Variants in HMGN3 observed in about 807,000 individuals in gnomAD.
The protein encoded by HMGN3 is high mobility group nucleosomal binding domain 3, also known as high mobility group nucleosome-binding domain-containing protein 3.
In HMGN3, 6 loss-of-function variants were observed where a neutral mutation model predicts 18.8. The observed-to-expected ratio is 0.32, with a 90% CI of 0.18 to 0.63. The LOEUF is 0.63. Ranked by LOEUF, HMGN3 falls within the 30% of genes least tolerant of loss-of-function variation. The probability of loss-of-function intolerance (pLI) is 0.79; values close to 1 mark genes in which losing one functional copy is unlikely to be tolerated. For missense variants in HMGN3, 107 were observed against 114.2 expected, an observed-to-expected ratio of 0.94 and a Z score of 0.29; for synonymous variants, 40 against 36.5, an observed-to-expected ratio of 1.10 and a Z score of -0.35.
exon 5 of HMGN3, chr6:79,202,341 C>G: frequency 6.2e-7 from 1 of 1,614,142 alleles, no homozygotes; most frequent in Non-Finnish European, 8.5e-7. Context: ...TCCTGCTTTT[C>G]CTCCTTCTTC....
Position 79,221,876 on chromosome 6 carries a change from CTTCATTGGTACATGTAGTACCAA to C in HMGN3, c.16-6877_16-6855del, listed in dbSNP as rs138425704. ...TTCTTATGTTAAACTTCCAAAAAAC[CTTCATTGGTACATGTAGTACCAA>C]TTCATTGGTACATGTATTGGTACAT... On this transcript the variant is annotated intron_variant, in intron 1 of 5. Transcript: ENST00000344726. 1.2e-3 allele frequency among the ~76,000 whole-genome samples: 185 copies of C among 148,906 alleles called. 2 individuals carry two copies. Among genetic ancestry groups the C allele is most frequent in the South Asian group, 0.012 (56 of 4,544 alleles).
At chr6:79,223,059 C>T (rs1365927397) in intron 1 of HMGN3, among the ~76,000 whole-genome samples, 4 of 152,042 alleles carry the variant, frequency 2.6e-5, no homozygotes, top group Non-Finnish European at 5.9e-5. Context: ...ACACACAATT[C>T]AATAATTAGG....
intron 1 of HMGN3, among the ~76,000 whole-genome samples, chr6:79,216,688 C>T (rs1446398166): frequency 6.6e-6 from 1 of 152,134 alleles, no homozygotes; most frequent in Admixed American, 6.5e-5. Flanking sequence ...AGGAATATTT[C>T]GTTTATAGAT....
intron 3 of HMGN3, among the ~76,000 whole-genome samples, chr6:79,206,619 C>A (rs1267433406): frequency 6.6e-6 from 1 of 152,248 alleles, no homozygotes; most frequent in African/African-American, 2.4e-5. Flanking sequence ...TCATGGATAA[C>A]CTCTGCTAGG....
chr6:79,231,960 G>A (rs1240801887), intron 1 of HMGN3, among the ~76,000 whole-genome samples: 1 of 152,148 alleles, frequency 6.6e-6, no homozygotes, highest in Non-Finnish European at 1.5e-5. Context: ...GATTCCAGAT[G>A]TTTTCATTGA....
chr6:79,222,388 GC>G (rs1376429245), intron 1 of HMGN3, among the ~76,000 whole-genome samples: 1 of 152,224 alleles, frequency 6.6e-6, no homozygotes, highest in East Asian at 1.9e-4. Context: ...TCTGAAATGT[GC>G]CTATACCTAA....
intron 1 of HMGN3, among the ~76,000 whole-genome samples, chr6:79,229,132 A>G (rs1777708648): frequency 6.6e-6 from 1 of 152,254 alleles, no homozygotes; most frequent in African/African-American, 2.4e-5. Context: ...TAAAAGTATA[A>G]AACCTCTATG....
chr6:79,217,475 G>T (rs998021124), intron 1 of HMGN3, among the ~76,000 whole-genome samples: 3 of 152,152 alleles, frequency 2.0e-5, no homozygotes, highest in African/African-American at 7.2e-5. Context: ...TGAGATACTG[G>T]AGAAAGCATT....
chr6:79,208,756 T>G (rs1158877248), intron 2 of HMGN3, among the ~76,000 whole-genome samples, 180 bp from the exon 3 acceptor site: 3 of 152,110 alleles, frequency 2.0e-5, no homozygotes, highest in African/African-American at 7.2e-5. Context: ...ACGATGACAC[T>G]CAAGAGGAAG....
intron 2 of HMGN3, among the ~76,000 whole-genome samples, chr6:79,210,124 C>G (rs1409063796): frequency 1.3e-5 from 2 of 152,112 alleles, no homozygotes; most frequent in Non-Finnish European, 2.9e-5. Context: ...CCCATAAGTC[C>G]CTGGGAACCA....
intron 1 of HMGN3, among the ~76,000 whole-genome samples, chr6:79,219,596 C>T (rs1258189349): frequency 2.6e-5 from 4 of 152,090 alleles, no homozygotes; most frequent in Non-Finnish European, 4.4e-5. Flanking sequence ...AACAGAAATT[C>T]TACAGCAGTT....
intron 1 of HMGN3, 159 bp downstream of exon 1, chr6:79,234,387 G>T: frequency 1.5e-6 from 1 of 674,092 alleles, no homozygotes; most frequent in Non-Finnish European, 2.7e-6. Context: ...GACAGAGAGA[G>T]GAACGTCTGC....
At position 79,203,728 on chromosome 6, in the gene HMGN3, T is replaced by G. The variant is rs548336169; in HGVS notation, c.97-98A>C. ...GGACTAACAAAGACAACTATCCATT[T>G]TGACATGGCTTTGGTCATTAAAAAG... is the stretch of plus-strand genomic sequence containing the variant. On this transcript the variant is annotated intron_variant, in intron 3 of 5. Transcript: ENST00000344726. The G allele has an allele frequency of 2.7e-4, 240 of 901,360 alleles. 2 individuals carry two copies. The Middle Eastern group carries it at 3.8e-3, about 14-fold the overall frequency. 55.8% of individuals were successfully genotyped at this position (901,360 alleles called of 1,614,324 possible).
chr6:79,233,322 TG>T (rs1027742762), intron 1 of HMGN3, among the ~76,000 whole-genome samples: 79 of 152,318 alleles, frequency 5.2e-4, no homozygotes, highest in African/African-American at 1.8e-3. Context: ...TTTTAAAAAG[TG>T]GGGTAGGAGA....
At chr6:79,207,826 C>A (rs1441215270) in intron 3 of HMGN3, among the ~76,000 whole-genome samples, 1 of 152,050 alleles carries the variant, frequency 6.6e-6, no homozygotes, top group Non-Finnish European at 1.5e-5. Context: ...TAGTGTCAGC[C>A]AAAATGCCAA....
At chr6:79,203,471 G>A (rs1776252579) in intron 4 of HMGN3, 109 bp downstream of exon 4, 3 of 951,722 alleles carry the variant, frequency 3.2e-6, no homozygotes, top group South Asian at 1.4e-5. Context: ...AGTGGTAATG[G>A]TTTCAGTTTG....
At chr6:79,204,510 G>A (rs1776302742) in intron 3 of HMGN3, among the ~76,000 whole-genome samples, 1 of 152,140 alleles carries the variant, frequency 6.6e-6, no homozygotes, top group African/African-American at 2.4e-5. Context: ...TTTTACACCA[G>A]GAGTTTTCTG....
chr6:79,203,195 C>G (rs899481152), intron 4 of HMGN3, among the ~76,000 whole-genome samples: 1 of 152,128 alleles, frequency 6.6e-6, no homozygotes, highest in Non-Finnish European at 1.5e-5. Flanking sequence ...TATTAGACCT[C>G]AGACTGGCCT....
intron 3 of HMGN3, among the ~76,000 whole-genome samples, chr6:79,205,646 A>T (rs181803481): frequency 5.3e-5 from 8 of 152,336 alleles, no homozygotes; most frequent in Admixed American, 2.6e-4. Flanking sequence ...AATACAGTAA[A>T]TTGGTACCAG....
Sources: allele counts gnomAD v4.1 joint callset (sites outside exome capture counted in the v4.1 genomes callset), GRCh38; gene constraint gnomAD v4.1.1; transcripts MANE v1.5; gene names NCBI Gene and HGNC (gene_info 2026-07-23, HGNC 2026-07-21).